WFDC10B: variants seen among roughly 807,000 people sequenced by gnomAD.
WFDC10B encodes WAP four-disulfide core domain 10B, also known as protein WFDC10B.
A neutral mutation model predicts 2.7 loss-of-function variants in WFDC10B; 1 was observed. The ratio of observed to expected loss-of-function variants is 0.38; its 90% CI spans 0.13 to 1.79. WFDC10B has a LOEUF of 1.79. WFDC10B is among the 40% of genes most tolerant of loss of function. The pLI, the probability that WFDC10B is intolerant of heterozygous loss-of-function variation, is 0.33. For synonymous variants in WFDC10B, 26 were observed against 32.2 expected (o/e 0.81, Z 0.65); for missense variants, 71 against 87.8 (o/e 0.81, Z 0.76).
chr20:45,693,032 T>G (rs1187277806), intron 2 of WFDC10B, among the ~76,000 whole-genome samples: 1 of 152,188 alleles, frequency 6.6e-6, no homozygotes, highest in African/African-American at 2.4e-5. Flanking sequence ...TGTTTGTTAG[T>G]TTTCCTTCTA....
chr20:45,701,755 C>T (rs1442368473), intron 2 of WFDC10B, among the ~76,000 whole-genome samples: 1 of 144,766 alleles, frequency 6.9e-6, no homozygotes, highest in South Asian at 2.2e-4. Context: ...GAGCCAGACT[C>T]CATCATCTCA....
chr20:45,698,919 G>T (rs1346030208), intron 2 of WFDC10B, among the ~76,000 whole-genome samples: 1 of 139,330 alleles, frequency 7.2e-6, no homozygotes, highest in African/African-American at 2.7e-5. Context: ...AGTGAGCTGA[G>T]ATCACACCAC....
rs571668815 is a variant in WFDC10B, at chr20:45,684,789, G to C, written c.*41C>G. 5.6e-6 allele frequency: 9 copies of C among 1,606,912 alleles called. No homozygotes were observed. In the South Asian group the frequency reaches 8.9e-5, roughly 16 times the overall value. On this transcript the variant is annotated 3_prime_UTR_variant, in exon 4 of 4. Transcript: ENST00000330523. The stretch of plus-strand genomic sequence containing the variant: ...ATGTGGGCACAGTCTCGGATGGAAG[G>C]GTTCAGGGAGCAGGATGCACATCCC...
chr20:45,704,668 CA>C, intron 1 of WFDC10B, 107 bp from the exon 2 acceptor site: 1 of 1,553,038 alleles, frequency 6.4e-7, no homozygotes, highest in Non-Finnish European at 8.7e-7. Flanking sequence ...CCCTTACCAG[CA>C]ACTGTGCTGG....
intron 2 of WFDC10B, among the ~76,000 whole-genome samples, chr20:45,689,416 A>G (rs1267057991): frequency 6.6e-6 from 1 of 151,856 alleles, no homozygotes; most frequent in Non-Finnish European, 1.5e-5. Context: ...CATTGAATCT[A>G]TAAATTACCT....
At position 45,686,017 on chromosome 20, in the gene WFDC10B, A is replaced by G; in HGVS notation, c.-25T>C. 2 of 1,611,530 alleles carry G rather than the reference A, an allele frequency of 1.2e-6. No individual in the cohort carries two copies. The highest frequency in any genetic ancestry group is 4.5e-5 in the East Asian group (2 of 44,786). ...TAACTCTGACCAGAGCGTGAGCCCTAAGTCTGGCCAGGCAGTCACAGACTT... is the reference window on the plus strand; with the variant it reads ...TAACTCTGACCAGAGCGTGAGCCCTGAGTCTGGCCAGGCAGTCACAGACTT... On this transcript the variant is annotated 5_prime_UTR_variant, in exon 3 of 4. Coordinates refer to ENST00000330523, the MANE Select transcript of WFDC10B (RefSeq NM_172006.2).
At chr20:45,700,293 TTATCTTAAA>T (rs1349773831) in intron 2 of WFDC10B, among the ~76,000 whole-genome samples, 3 of 152,194 alleles carry the variant, frequency 2.0e-5, no homozygotes, top group Non-Finnish European at 4.4e-5. Flanking sequence ...AAGTAACTAA[TTATCTTAAA>T]TCAAGAATTT....
intron 1 of WFDC10B, 95 bp downstream of exon 1, chr20:45,704,823 T>A: frequency 7.1e-7 from 1 of 1,414,146 alleles, no homozygotes; most frequent in Non-Finnish European, 1.0e-6. Flanking sequence ...TATCCGTGAA[T>A]TTCTGACTCT....
Position 45,701,635 on chromosome 20 carries a change from G to A in WFDC10B, c.-65+2862C>T, listed in dbSNP as rs146968249. On this transcript the variant is annotated intron_variant, in intron 2 of 3. Transcript: ENST00000330523. ...AAATTAGCTGGACATGGTGGTACAC[G>A]CCTGTAATCCCAGCAACTCAGGAGT... 2.8e-3 allele frequency among the ~76,000 whole-genome samples: 426 copies of A among 151,898 alleles called. 4 individuals are homozygous for A. The highest frequency in any genetic ancestry group is 3.4e-3 in the Middle Eastern group (1 of 294).
intron 2 of WFDC10B, among the ~76,000 whole-genome samples, chr20:45,691,134 A>C (rs1983798922): frequency 2.0e-5 from 3 of 152,082 alleles, no homozygotes; most frequent in Non-Finnish European, 4.4e-5. Context: ...GTTTCCATGT[A>C]GTTGAGCGGT....
At chr20:45,699,513 C>T (rs181468558) in intron 2 of WFDC10B, among the ~76,000 whole-genome samples, 5 of 152,238 alleles carry the variant, frequency 3.3e-5, no homozygotes, top group Admixed American at 6.5e-5. Context: ...ACAGAAATAA[C>T]ATTTCCTACC....
chr20:45,700,586 TATC>T (rs577077525), intron 2 of WFDC10B, among the ~76,000 whole-genome samples: 5 of 152,332 alleles, frequency 3.3e-5, no homozygotes, highest in South Asian at 2.1e-4. Context: ...ATAAAAATGT[TATC>T]ATCTCAATAT....
intron 2 of WFDC10B, among the ~76,000 whole-genome samples, chr20:45,692,018 T>TTG (rs1568671388): frequency 3.9e-5 from 6 of 152,134 alleles, no homozygotes; most frequent in South Asian, 2.1e-4. Flanking sequence ...AGGAGCTCTT[T>TTG]TAGGGCAGGC....
chr20:45,686,159 C>T, intron 2 of WFDC10B, 103 bp from the exon 3 acceptor site: 1 of 1,369,560 alleles, frequency 7.3e-7, no homozygotes, highest in South Asian at 1.5e-5. Context: ...CTGCCCTTGC[C>T]TTCTCCTGGC....
At chr20:45,691,336 G>A (rs1238922946) in intron 2 of WFDC10B, among the ~76,000 whole-genome samples, 4 of 151,826 alleles carry the variant, frequency 2.6e-5, no homozygotes, top group Non-Finnish European at 5.9e-5. Flanking sequence ...GGAGAGTTCT[G>A]TAGATGTCTA....
rs944120013 is a variant in WFDC10B, at chr20:45,684,669, G to C, written c.*161C>G. 32 of 942,862 alleles carry C rather than the reference G, an allele frequency of 3.4e-5. No individual in the cohort carries two copies. Among genetic ancestry groups the C allele is most frequent in the Middle Eastern group, 3.0e-4 (1 of 3,366 alleles). 58.4% of individuals were successfully genotyped at this position (942,862 alleles called of 1,614,324 possible). Reference sequence around the variant, plus strand: ...GGCAGGATCCATGGGCATTTGTTCTGGTTTATTTGACAGGGACAGGGAGTT... The same window carrying C: ...GGCAGGATCCATGGGCATTTGTTCTCGTTTATTTGACAGGGACAGGGAGTT... On this transcript the variant is annotated 3_prime_UTR_variant, in exon 4 of 4. Transcript: ENST00000330523.
In WFDC10B at chr20:45,684,788, G is replaced by T; in HGVS notation, c.*42C>A. 6.2e-7 allele frequency: 1 copy of T among 1,604,326 alleles called. No individual in the cohort carries two copies. Among genetic ancestry groups the T allele is most frequent in the South Asian group, 1.1e-5 (1 of 89,806 alleles). On this transcript the variant is annotated 3_prime_UTR_variant, in exon 4 of 4. Coordinates refer to ENST00000330523, the MANE Select transcript of WFDC10B (RefSeq NM_172006.2). ...GATGTGGGCACAGTCTCGGATGGAA[G>T]GGTTCAGGGAGCAGGATGCACATCC...
At chr20:45,699,869 G>C (rs574763278) in intron 2 of WFDC10B, among the ~76,000 whole-genome samples, 120 of 152,248 alleles carry the variant, frequency 7.9e-4, no homozygotes, top group Non-Finnish European at 1.5e-3. Flanking sequence ...AGTAGAGATG[G>C]GGTTTCACCA....
At chr20:45,704,417 C>T (rs1039502217) in intron 2 of WFDC10B, 80 bp downstream of exon 2, 18 of 1,600,026 alleles carry the variant, frequency 1.1e-5, no homozygotes, top group Non-Finnish European at 1.5e-5. Flanking sequence ...TTGGTGAGGC[C>T]CTTCTCTTAC....
Sources: allele counts gnomAD v4.1 joint callset (sites outside exome capture counted in the v4.1 genomes callset), GRCh38; gene constraint gnomAD v4.1.1; transcripts MANE v1.5; gene names NCBI Gene and HGNC (gene_info 2026-07-23, HGNC 2026-07-21).